The following CDAN1 variants were observed in gnomAD, a reference collection of about 807,000 sequenced individuals.
The protein encoded by CDAN1 is codanin-1.
CDAN1 carries 107 observed loss-of-function variants against 139.8 expected under a neutral mutation model. The observed-to-expected ratio is 0.77, with a 90% CI of 0.65 to 0.90. The LOEUF (loss-of-function observed/expected upper bound fraction) is 0.90, where lower values mean the gene tolerates loss of function less well. CDAN1 is among the 40% of genes least tolerant of loss of function. CDAN1 has a pLI of 0.00. For missense variants in CDAN1, 1,667 were observed against 1,575.7 expected (o/e 1.06, Z -0.98); for synonymous variants, 776 against 660.6 (o/e 1.17, Z -2.68).
chr15:42,731,014 G>C lies in CDAN1; in HGVS notation c.1918C>G (p.Leu640Val). ...LLSLRLLAKF[L>V]GFVAFLPYRG... is the part of the protein sequence containing the mutation. ...TATGGCAGGAAAGCCACAAAGCCCA[G>C]GAATTTAGCCAAAAGTCTCAGGCTA... Residue 640 changes from leucine to valine, a missense_variant, in exon 13 of 28, where the codon CTG becomes GTG. Leu to Val is a conservative substitution (Grantham distance 32). Transcript: ENST00000356231. 1.2e-6 allele frequency: 2 copies of C among 1,614,164 alleles called. No individual in the cohort carries two copies. The highest frequency in any genetic ancestry group is 1.6e-4 in the Middle Eastern group (1 of 6,062).
intron 26 of CDAN1, 84 bp from the exon 27 acceptor site, chr15:42,725,335 C>T: frequency 6.7e-7 from 1 of 1,494,334 alleles, no homozygotes; most frequent in Non-Finnish European, 9.3e-7. Context: ...AAGGGCAGAG[C>T]TGCTGGGAAG....
rs1188514839 is a variant in CDAN1 at position 42,731,300 on chromosome 15, G to C, written c.1771C>G (p.Leu591Val). ...FQFNQHLMDS[L>V]SLKIQELNGL... The stretch of plus-strand genomic sequence containing the variant: ...TTGAGCTCCTGGATCTTCAAGCTCA[G>C]ACTGTCCATGAGATGCTGGTTAAAC... Residue 591 changes from leucine (L) to valine (V), a missense_variant, in exon 12 of 28, where the codon CTG becomes GTG. This residue lies in a region of CDAN1 where 936 missense variants were observed against 844.1 expected (regional missense o/e 1.11). Transcript: ENST00000356231. 6.2e-6 allele frequency: 10 copies of C among 1,613,990 alleles called. No homozygotes were observed. The highest frequency in any genetic ancestry group is 7.6e-6 in the Non-Finnish European group (9 of 1,180,018).
rs1210733103 is a variant in CDAN1, at chr15:42,729,138, A to G, written c.2542-12T>C. 5 of 1,613,854 alleles carry G rather than the reference A, an allele frequency of 3.1e-6. No individual in the cohort carries two copies. ...TGGGCGAGCTGTGCCTGGGGGGAGG[A>G]GGGAGAGGCAGCAAGGCTTCCTCCA... On this transcript the variant is annotated splice_polypyrimidine_tract_variant and intron_variant, in intron 18 of 27. Transcript: ENST00000356231.
In CDAN1 at chr15:42,725,670, A is replaced by G. The variant is rs989005722; in HGVS notation, c.3269T>C (p.Val1090Ala). The change falls in exon 26 of 28, where the codon GTT becomes GCT. Residue 1090 changes from valine to alanine, a missense_variant and splice_region_variant. Coordinates refer to ENST00000356231, the MANE Select transcript of CDAN1 (RefSeq NM_138477.4). ...CCCTAGGATAGGAATTTGATCTGCA[A>G]CTGTGGAAAGAGGAAAGCCAAGCTT... Reference protein sequence around the residue: ...KCSVELASLLVADQIPILGPP... With the variant: ...KCSVELASLLAADQIPILGPP... 1.6e-5 allele frequency: 26 copies of G among 1,613,914 alleles called. No individual in the cohort carries two copies. The highest frequency in any genetic ancestry group is 1.6e-4 in the Middle Eastern group (1 of 6,074).
Position 42,727,652 on chromosome 15 carries a change from G to GGA in CDAN1, c.3063_3064dup (p.Pro1022LeufsTer11). 1 of 1,585,178 alleles carries GGA rather than the reference G, an allele frequency of 6.3e-7. No homozygotes were observed. The highest frequency in any genetic ancestry group is 8.6e-7 in the Non-Finnish European group (1 of 1,162,922). Reference sequence around the variant, plus strand: ...CTCGGAGATGAGGTGGGAGGGGAGGGGAGCATGGTGCTCACAGGCGCGGGA... The same window carrying GGA: ...CTCGGAGATGAGGTGGGAGGGGAGGGGAGAGCATGGTGCTCACAGGCGCGGGA... On this transcript the variant is annotated frameshift_variant, in exon 23 of 28. Transcript: ENST00000356231. LOFTEE classifies it high-confidence loss of function.
In CDAN1 at chr15:42,730,937, G is replaced by A. The variant is rs755910003; in HGVS notation, c.1995C>T (p.Ala665=). The A allele has an allele frequency of 2.5e-6, 4 of 1,614,180 alleles. No homozygotes were observed. In the Admixed American group the frequency reaches 6.7e-5, roughly 27 times the overall value. Reference sequence around the variant, plus strand: ...CCCGCCCATTCACCTGGCTCCTGAGGGCCAGAATGGAGTCCTGAAGCTCAC... The same window carrying A: ...CCCGCCCATTCACCTGGCTCCTGAGAGCCAGAATGGAGTCCTGAAGCTCAC... ...PTGELQDSIL[A]LRSQVPPVLD... is the part of the protein sequence containing the mutation. Residue 665 remains alanine, a synonymous_variant, in exon 13 of 28, where the codon GCC becomes GCT. Coordinates refer to ENST00000356231, the MANE Select transcript of CDAN1 (RefSeq NM_138477.4).
Position 42,731,106 on chromosome 15 carries a change from A to C in CDAN1, c.1861-35T>G, listed in dbSNP as rs28645106. Reference sequence around the variant, plus strand: ...ATCAAGGGAAGTAAAAGGTCCAAGCATGAGGCTTCCAGAACAATTCCCGAT... The same window carrying C: ...ATCAAGGGAAGTAAAAGGTCCAAGCCTGAGGCTTCCAGAACAATTCCCGAT... On this transcript the variant is annotated intron_variant, in intron 12 of 27. Transcript: ENST00000356231. The C allele has an allele frequency of 0.064, 103,327 of 1,614,092 alleles. 7,009 individuals carry two copies. Among genetic ancestry groups the C allele is most frequent in the African/African-American group, 0.31 (23,590 of 74,986 alleles).
In CDAN1 at chr15:42,734,014, C is replaced by A. The variant is rs749588992; in HGVS notation, c.1291G>T (p.Val431Phe). The A allele has an allele frequency of 6.2e-7, 1 of 1,614,114 alleles. No homozygotes were observed. Among genetic ancestry groups the A allele is most frequent in the Admixed American group, 1.7e-5 (1 of 60,026 alleles). ...SLVMPPSTQA[V>F]SFQPETDNRA... ...TTGTCAGTCTCTGGCTGAAAGGAGA[C>A]AGCTTGAGTAGAGGGAGGCATCACC... The change falls in exon 8 of 28, where the codon GTC becomes TTC. Residue 431 changes from valine (V) to phenylalanine (F), a missense_variant. This residue lies in a region of CDAN1 where 244 missense variants were observed against 309.4 expected (regional missense o/e 0.79). Coordinates refer to ENST00000356231, the MANE Select transcript of CDAN1 (RefSeq NM_138477.4).
At chr15:42,724,787 A>C (rs891707713) in intron 27 of CDAN1, 171 bp from the exon 28 acceptor site, 6 of 881,090 alleles carry the variant, frequency 6.8e-6, no homozygotes, top group African/African-American at 6.6e-5. Context: ...GGGAGGCTGA[A>C]GTTATGGCAG....
intron 8 of CDAN1, among the ~76,000 whole-genome samples, 174 bp downstream of exon 8, chr15:42,733,764 G>C (rs887943019): frequency 6.6e-6 from 1 of 152,194 alleles, no homozygotes; most frequent in Non-Finnish European, 1.5e-5. Flanking sequence ...GGGGTTCACA[G>C]ATGCACATGA....
Position 42,737,062 on chromosome 15 carries a change from G to GAC in CDAN1, c.39_40dup (p.Ser14CysfsTer27), listed in dbSNP as rs1219953371. 6.5e-7 allele frequency: 1 copy of GAC among 1,530,498 alleles called. No individual in the cohort carries two copies. The allele number at this position is 1,530,498 out of a possible 1,614,324, so 94.8% of individuals were successfully genotyped here. A position where few individuals can be genotyped will look rare whatever the true frequency, so the allele number is the denominator to read the frequency against. On this transcript the variant is annotated frameshift_variant, in exon 1 of 28. Coordinates refer to ENST00000356231, the MANE Select transcript of CDAN1 (RefSeq NM_138477.4). LOFTEE classifies it high-confidence loss of function. ...GATCCACCGCACGACGGCTGCGACC[G>GAC]ACACCTCTTCTCGCAGCAGCGACTC... is the stretch of plus-strand genomic sequence containing the variant.
intron 9 of CDAN1, 87 bp downstream of exon 9, chr15:42,733,010 A>AT: frequency 9.5e-7 from 1 of 1,050,760 alleles, no homozygotes; most frequent in Non-Finnish European, 1.4e-6. Flanking sequence ...GAGCGGGGAA[A>AT]ACCTTCCCTC....
intron 9 of CDAN1, among the ~76,000 whole-genome samples, chr15:42,732,771 A>G (rs1168284670): frequency 2.6e-5 from 4 of 151,880 alleles, no homozygotes; most frequent in Non-Finnish European, 5.9e-5. Flanking sequence ...AAATTAGAGG[A>G]TGGAGAAGAT....
chr15:42,729,067 C>T lies in CDAN1; in HGVS notation c.2601G>A (p.Glu867=), dbSNP rs1222732759. The change falls in exon 19 of 28, where the codon GAG becomes GAA. Residue 867 remains glutamate (E), a synonymous_variant. Coordinates refer to ENST00000356231, the MANE Select transcript of CDAN1 (RefSeq NM_138477.4). ...TTGATCCAATTCTTTCTGCCACGAA[C>T]TCTACGGTCCGGCGCAAGGAGGGCG... ...NQPPSLRRTV[E]FVAERIGSNC... is the part of the protein sequence containing the mutation. 1 of 1,614,134 alleles carries T rather than the reference C, an allele frequency of 6.2e-7. No homozygotes were observed. Among genetic ancestry groups the T allele is most frequent in the African/African-American group, 1.3e-5 (1 of 74,950 alleles).
At chr15:42,734,488 A>G (rs1468464377) in intron 6 of CDAN1, 142 bp from the exon 7 acceptor site, 6 of 1,011,528 alleles carry the variant, frequency 5.9e-6, no homozygotes, top group Non-Finnish European at 9.0e-6. Flanking sequence ...TGGGCCAAGG[A>G]TCAAAGATAA....
rs1401031217 is a variant in CDAN1 at position 42,736,075 on chromosome 15, C to T, written c.573G>A (p.Thr191=). The change falls in exon 3 of 28, where the codon ACG becomes ACA. Residue 191 remains threonine (T), a synonymous_variant. Transcript: ENST00000356231. ...TTGGGTTGATCCTGCGAGAAGGCTT[C>T]GTCCTGCTGAGAGTAGCCACAGGTT... The part of the protein sequence containing the change: ...VGSVPPGPTG[T]KPSRRINPTP... 2 of 1,614,032 alleles carry T rather than the reference C, an allele frequency of 1.2e-6. No homozygotes were observed. The highest frequency in any genetic ancestry group is 1.7e-6 in the Non-Finnish European group (2 of 1,180,014).
In CDAN1 at chr15:42,731,254, T is replaced by G; in HGVS notation, c.1817A>C (p.His606Pro). ...QELNGLALPQ[H>P]EPNDEDGESD... ...CTCCCCGTCTTCATCATTGGGCTCATGCTGGGGCAGGGCAAGACCATTGAG... is the reference window on the plus strand; with the variant it reads ...CTCCCCGTCTTCATCATTGGGCTCAGGCTGGGGCAGGGCAAGACCATTGAG... Residue 606 changes from histidine (H) to proline (P), a missense_variant, in exon 12 of 28, where the codon CAT (histidine) becomes CCT (proline). This residue lies in a region of CDAN1 where 936 missense variants were observed against 844.1 expected (regional missense o/e 1.11). Coordinates refer to ENST00000356231, the MANE Select transcript of CDAN1 (RefSeq NM_138477.4). The G allele has an allele frequency of 6.2e-7, 1 of 1,614,222 alleles. No individual in the cohort carries two copies. The highest frequency in any genetic ancestry group is 2.2e-5 in the East Asian group (1 of 44,872).
At chr15:42,730,300 A>G (rs770507138) in intron 14 of CDAN1, 85 bp from the exon 15 acceptor site, 3 of 1,308,746 alleles carry the variant, frequency 2.3e-6, no homozygotes, top group Non-Finnish European at 3.3e-6. Flanking sequence ...ACTGGCTTGC[A>G]AAAGCAGAAC....
At chr15:42,736,131 C>T (rs757238350) in intron 2 of CDAN1, 53 bp from the exon 3 acceptor site, 1 of 1,592,714 alleles carries the variant, frequency 6.3e-7, no homozygotes, top group South Asian at 1.1e-5. Context: ...AAACATCTCC[C>T]CTCCACCACC....
Sources: gnomAD v4.1 joint callset for allele counts (sites outside exome capture counted in the v4.1 genomes callset) on GRCh38, gnomAD v4.1.1 for gene constraint, gnomAD v4.1.1 regional missense constraint, MANE v1.5 for transcripts, NCBI Gene and HGNC (gene_info 2026-07-23, HGNC 2026-07-21) for gene names.